Variants in TOM1 observed in about 807,000 individuals in gnomAD.
TOM1 encodes the protein target of myb1 membrane trafficking protein.
TOM1 carries 38 observed loss-of-function variants against 61.3 expected under a neutral mutation model. The ratio of observed to expected loss-of-function variants is 0.62; its 90% CI spans 0.48 to 0.81. The LOEUF is 0.81. TOM1 is among the 40% of genes least tolerant of loss of function. The pLI, the probability that TOM1 is intolerant of heterozygous loss-of-function variation, is 0.00. For synonymous variants in TOM1, 270 were observed against 268.8 expected (o/e 1.00, Z -0.04); for missense variants, 591 against 659.6 (o/e 0.90, Z 1.14).
At chr22:35,345,851 A>C in intron 13 of TOM1, 67 bp downstream of exon 13, 1 of 1,549,446 alleles carries the variant, frequency 6.5e-7, no homozygotes, top group Non-Finnish European at 8.9e-7. Flanking sequence ...GAAATGACCC[A>C]TGGGGCCAGG....
chr22:35,318,234 T>G, intron 2 of TOM1: 1 of 543,084 alleles, frequency 1.8e-6, no homozygotes, highest in Admixed American at 3.1e-5. Context: ...AGCCCAGCCT[T>G]GTGTGCAGCA....
chr22:35,334,498 G>A (rs2145695414), intron 11 of TOM1, 50 bp downstream of exon 11: 2 of 1,608,902 alleles, frequency 1.2e-6, no homozygotes, highest in Non-Finnish European at 1.7e-6. Context: ...GTGGCTCTCG[G>A]GGTTCTGGAA....
In TOM1 at chr22:35,327,123, A is replaced by G. The variant is rs1047938862; in HGVS notation, c.649-148A>G. On this transcript the variant is annotated intron_variant, in intron 6 of 14. Transcript: ENST00000449058. ...TCTAGTGCAGAGCTGTCACTTTGGG[A>G]GCCAGGAGGGAGGCTGCCTAGAGAG... is the stretch of plus-strand genomic sequence containing the variant. 14 of 716,058 alleles carry G rather than the reference A, an allele frequency of 2.0e-5. No individual in the cohort carries two copies. In the African/African-American group the frequency reaches 2.4e-4, roughly 12 times the overall value. The allele number at this position is 716,058 out of a possible 1,614,324, so 44.4% of individuals were successfully genotyped here.
intron 1 of TOM1, among the ~76,000 whole-genome samples, 180 bp from the exon 2 acceptor site, chr22:35,317,697 C>T (rs1164368412): frequency 6.6e-6 from 1 of 151,996 alleles, no homozygotes; most frequent in Non-Finnish European, 1.5e-5. Flanking sequence ...AATCTAGTGA[C>T]GATGGGACAA....
Position 35,347,159 on chromosome 22 carries a change from C to A in TOM1, c.1429C>A (p.Pro477Thr), listed in dbSNP as rs769067919. The A allele has an allele frequency of 6.2e-7, 1 of 1,613,138 alleles. No homozygotes were observed. The highest frequency in any genetic ancestry group is 1.7e-5 in the Admixed American group (1 of 59,730). The change falls in exon 15 of 15, where the codon CCC becomes ACC. Residue 477 changes from proline to threonine, a missense_variant. By Grantham distance (38) the Pro-to-Thr change is conservative. Coordinates refer to ENST00000449058, the MANE Select transcript of TOM1 (RefSeq NM_005488.3). The stretch of plus-strand genomic sequence containing the variant: ...CCCGGGTCCCCCATCTGGCCCAGCG[C>A]CCCGGAAGAAGACCCAGGAGAAAGA... ...GPPGPPSGPA[P>T]RKKTQEKDDD... is the part of the protein sequence containing the mutation.
intron 1 of TOM1, among the ~76,000 whole-genome samples, chr22:35,307,239 A>G (rs1043734270): frequency 1.3e-5 from 2 of 152,076 alleles, no homozygotes; most frequent in African/African-American, 2.4e-5. Flanking sequence ...TTATTTTCGT[A>G]GGGTTTTCTT....
At chr22:35,311,708 G>A (rs372823285) in intron 1 of TOM1, among the ~76,000 whole-genome samples, 4 of 152,200 alleles carry the variant, frequency 2.6e-5, no homozygotes, top group East Asian at 3.8e-4. Flanking sequence ...TTTGGAGCAC[G>A]CAGGCCTGGC....
chr22:35,300,497 G>T (rs1925655091), intron 1 of TOM1, among the ~76,000 whole-genome samples: 1 of 152,226 alleles, frequency 6.6e-6, no homozygotes, highest in South Asian at 2.1e-4. Context: ...GACAGCCCGC[G>T]GCCAGGCCTC....
At chr22:35,332,623 T>A (rs1053611001) in intron 8 of TOM1, among the ~76,000 whole-genome samples, 4 of 151,648 alleles carry the variant, frequency 2.6e-5, no homozygotes, top group Admixed American at 2.6e-4. Context: ...CACACAAATA[T>A]GTAATTGAAA....
chr22:35,340,288 G>C (rs1929767738), intron 12 of TOM1, among the ~76,000 whole-genome samples: 1 of 152,294 alleles, frequency 6.6e-6, no homozygotes. Flanking sequence ...CTAGCATGGG[G>C]TTGGGGGTAG....
intron 1 of TOM1, among the ~76,000 whole-genome samples, chr22:35,310,802 C>G (rs1926755288): frequency 6.6e-6 from 1 of 152,184 alleles, no homozygotes; most frequent in Non-Finnish European, 1.5e-5. Flanking sequence ...TAACCGCCAC[C>G]CTTAAAGAGC....
intron 1 of TOM1, chr22:35,311,243 G>T (rs3788509): frequency 6.6e-6 from 1 of 152,018 alleles, no homozygotes; most frequent in East Asian, 1.9e-4. Context: ...GAGCAGTCCC[G>T]TGGGAAGGCC....
intron 6 of TOM1, among the ~76,000 whole-genome samples, chr22:35,326,651 G>C (rs888937350): frequency 2.0e-5 from 3 of 152,234 alleles, no homozygotes; most frequent in Admixed American, 6.5e-5. Flanking sequence ...TAGGAGGAGA[G>C]AGAGGGTGGA....
intron 2 of TOM1, among the ~76,000 whole-genome samples, chr22:35,321,290 A>G (rs1271392076): frequency 6.6e-6 from 1 of 151,062 alleles, no homozygotes; most frequent in African/African-American, 2.4e-5. Context: ...CAGGGGCCCC[A>G]CTCCCTGAGA....
At chr22:35,327,060 G>A (rs1205671184) in intron 6 of TOM1, among the ~76,000 whole-genome samples, 3 of 152,182 alleles carry the variant, frequency 2.0e-5, no homozygotes, top group East Asian at 1.9e-4. Context: ...GGTTGGTAGC[G>A]CCTCTGTGAG....
intron 1 of TOM1, among the ~76,000 whole-genome samples, chr22:35,313,194 A>G (rs1430552445): frequency 2.0e-5 from 3 of 152,048 alleles, no homozygotes; most frequent in African/African-American, 7.2e-5. Context: ...TAAAAATACA[A>G]AACTTAGCCA....
intron 2 of TOM1, 25 bp downstream of exon 2, chr22:35,317,986 G>C: frequency 6.3e-7 from 1 of 1,598,496 alleles, no homozygotes; most frequent in Non-Finnish European, 8.6e-7. Context: ...AGGAGAGGTT[G>C]GGGGCAGAGA....
At chr22:35,322,349 G>A (rs1160550354) in intron 3 of TOM1, 3 of 337,790 alleles carry the variant, frequency 8.9e-6, no homozygotes, top group East Asian at 1.2e-4. Context: ...CTCCGCGGGG[G>A]CAGGGAGGCC....
chr22:35,320,571 C>T (rs986372335), intron 2 of TOM1, among the ~76,000 whole-genome samples: 3 of 152,108 alleles, frequency 2.0e-5, no homozygotes, highest in African/African-American at 7.2e-5. Flanking sequence ...CTGACCTTGA[C>T]CCAAACTGCT....
Sources: gnomAD v4.1 joint callset for allele counts (sites outside exome capture counted in the v4.1 genomes callset) on GRCh38, gnomAD v4.1.1 for gene constraint, MANE v1.5 for transcripts, NCBI Gene and HGNC (gene_info 2026-07-23, HGNC 2026-07-21) for gene names.